The following WWOX variants were observed in gnomAD, a reference collection of about 807,000 sequenced individuals.
WWOX encodes the protein WW domain containing oxidoreductase.
In WWOX, 69 loss-of-function variants were observed where a neutral mutation model predicts 46.2. That is an observed-to-expected ratio of 1.49 (90% confidence interval 1.23 to 1.82). The LOEUF (loss-of-function observed/expected upper bound fraction) is 1.82. Among genes scored for constraint, WWOX ranks in the 40% most tolerant of loss-of-function variants. The probability of loss-of-function intolerance (pLI) is 0.00; values close to 1 mark genes in which losing one functional copy is unlikely to be tolerated. For missense variants in WWOX, 919 were observed against 542.6 expected, an observed-to-expected ratio of 1.69 and a Z score of -6.89; for synonymous variants, 359 against 202.6, an observed-to-expected ratio of 1.77 and a Z score of -6.56.
intron 8 of WWOX, among the ~76,000 whole-genome samples, chr16:78,947,507 A>C (rs1011659068): frequency 6.6e-6 from 1 of 152,242 alleles, no homozygotes; most frequent in African/African-American, 2.4e-5. Context: ...CAGTGAATGC[A>C]GAGTCGGCTG....
intron 8 of WWOX, among the ~76,000 whole-genome samples, chr16:78,635,137 C>A (rs2151666041): frequency 6.6e-6 from 1 of 152,242 alleles, no homozygotes; most frequent in South Asian, 2.1e-4. Flanking sequence ...GTGCCTAATG[C>A]CAAAACTGTA....
intron 8 of WWOX, among the ~76,000 whole-genome samples, chr16:78,764,025 G>C (rs967171246): frequency 1.3e-5 from 2 of 152,166 alleles, no homozygotes; most frequent in African/African-American, 4.8e-5. Context: ...TGCTTGGAGT[G>C]GCACCAGCTG....
At chr16:78,945,418 CTG>C (rs1396250811) in intron 8 of WWOX, among the ~76,000 whole-genome samples, 2 of 152,144 alleles carry the variant, frequency 1.3e-5, no homozygotes, top group Non-Finnish European at 2.9e-5. Context: ...TCTAAAGTCT[CTG>C]TATCAAAAAG....
At chr16:78,216,681 T>C (rs944115926) in intron 5 of WWOX, among the ~76,000 whole-genome samples, 1 of 151,886 alleles carries the variant, frequency 6.6e-6, no homozygotes, top group Non-Finnish European at 1.5e-5. Flanking sequence ...CCTTTAGGGA[T>C]CTTTGTGATT....
intron 4 of WWOX, among the ~76,000 whole-genome samples, chr16:78,142,550 A>G (rs1222814238): frequency 6.6e-6 from 1 of 152,246 alleles, no homozygotes; most frequent in Non-Finnish European, 1.5e-5. Context: ...TTCCTCAAGT[A>G]TGCCAGAAAA....
intron 6 of WWOX, among the ~76,000 whole-genome samples, chr16:78,390,666 G>A (rs374522240): frequency 2.6e-5 from 4 of 152,148 alleles, no homozygotes; most frequent in East Asian, 1.9e-4. Context: ...AGTACTTGCA[G>A]GTCTTTCGAT....
intron 5 of WWOX, among the ~76,000 whole-genome samples, chr16:78,359,183 T>C (rs1464093954): frequency 6.6e-6 from 1 of 152,216 alleles, no homozygotes; most frequent in Non-Finnish European, 1.5e-5. Flanking sequence ...TTTGTCATTT[T>C]ATAGTGAGTT....
At chr16:78,953,864 T>A (rs1262097204) in intron 8 of WWOX, among the ~76,000 whole-genome samples, 1 of 152,222 alleles carries the variant, frequency 6.6e-6, no homozygotes, top group African/African-American at 2.4e-5. Context: ...TTTTGGGCTT[T>A]GAGTTTATTT....
At chr16:79,035,629 C>T (rs969962924) in intron 8 of WWOX, among the ~76,000 whole-genome samples, 1 of 152,260 alleles carries the variant, frequency 6.6e-6, no homozygotes, top group African/African-American at 2.4e-5. Flanking sequence ...AACCTCGTCT[C>T]CCGGGTTCAA....
At chr16:78,401,986 C>T (rs1461050407) in intron 6 of WWOX, among the ~76,000 whole-genome samples, 1 of 152,106 alleles carries the variant, frequency 6.6e-6, no homozygotes, top group Non-Finnish European at 1.5e-5. Context: ...GGCGTGAGCC[C>T]CTATGCCCAG....
chr16:79,190,966 C>G (rs923052329), intron 8 of WWOX, among the ~76,000 whole-genome samples: 2 of 152,180 alleles, frequency 1.3e-5, no homozygotes, highest in South Asian at 2.1e-4. Flanking sequence ...TCTACACATT[C>G]AAATAAAATC....
chr16:78,669,112 C>G (rs1193278841), intron 8 of WWOX, among the ~76,000 whole-genome samples: 3 of 152,034 alleles, frequency 2.0e-5, no homozygotes, highest in African/African-American at 4.8e-5. Context: ...CCAAAACCAC[C>G]TCCGTTGCTG....
chr16:79,025,670 C>G (rs913476524), intron 8 of WWOX, among the ~76,000 whole-genome samples: 1 of 152,096 alleles, frequency 6.6e-6, no homozygotes, highest in Non-Finnish European at 1.5e-5. Context: ...AAATAAATTT[C>G]TATTGTTTTA....
chr16:78,181,227 C>G (rs893408370), intron 5 of WWOX, among the ~76,000 whole-genome samples: 2 of 151,924 alleles, frequency 1.3e-5, no homozygotes, highest in African/African-American at 4.8e-5. Context: ...GAGAGAGAAC[C>G]TGTCTAGCGG....
At chr16:78,589,406 G>A (rs377433981) in intron 8 of WWOX, among the ~76,000 whole-genome samples, 8 of 152,138 alleles carry the variant, frequency 5.3e-5, no homozygotes, top group East Asian at 1.9e-4. Context: ...GTTGGTATCC[G>A]CAGAGGTTGT....
chr16:78,146,913 C>T (rs187683034), intron 4 of WWOX, among the ~76,000 whole-genome samples: 25 of 152,296 alleles, frequency 1.6e-4, no homozygotes, highest in African/African-American at 5.8e-4. Flanking sequence ...GTGCCTTCCA[C>T]GCGGGACTGT....
intron 5 of WWOX, among the ~76,000 whole-genome samples, chr16:78,280,317 A>G (rs895244878): frequency 6.6e-6 from 1 of 152,230 alleles, no homozygotes; most frequent in Non-Finnish European, 1.5e-5. Context: ...TATTATATAT[A>G]TTTCACATGT....
chr16:78,807,333 C>A (rs117103699), intron 8 of WWOX, among the ~76,000 whole-genome samples: 2 of 152,200 alleles, frequency 1.3e-5, no homozygotes, highest in African/African-American at 4.8e-5. Flanking sequence ...ATGCCAGTGA[C>A]ACCCAGTGAA....
At chr16:78,366,527 C>G (rs1001298606) in intron 5 of WWOX, among the ~76,000 whole-genome samples, 1 of 152,186 alleles carries the variant, frequency 6.6e-6, no homozygotes, top group African/African-American at 2.4e-5. Flanking sequence ...CAGGGGACTA[C>G]ACTCTTATTC....
Sources: allele counts gnomAD v4.1 joint callset (sites outside exome capture counted in the v4.1 genomes callset), GRCh38; gene constraint gnomAD v4.1.1; transcripts MANE v1.5; gene names NCBI Gene and HGNC (gene_info 2026-07-23, HGNC 2026-07-21).